Variants in PPP1R9A observed in about 807,000 individuals in gnomAD.
The protein encoded by PPP1R9A is protein phosphatase 1 regulatory subunit 9A, also known as neurabin-1.
PPP1R9A carries 59 observed loss-of-function variants against 141.9 expected under a neutral mutation model. That is an observed-to-expected ratio of 0.42 (90% CI 0.34 to 0.52). The LOEUF (loss-of-function observed/expected upper bound fraction) is 0.52, where lower values mean the gene tolerates loss of function less well. PPP1R9A is among the 20% of genes least tolerant of loss of function. The probability of loss-of-function intolerance (pLI) is 0.10; values close to 1 mark genes in which losing one functional copy is unlikely to be tolerated. For missense variants in PPP1R9A, 1,444 were observed against 1,611.9 expected (o/e 0.90, Z 1.78); for synonymous variants, 500 against 569.7 (o/e 0.88, Z 1.74).
intron 2 of PPP1R9A, among the ~76,000 whole-genome samples, chr7:95,046,927 T>C (rs1274358785): frequency 6.6e-6 from 1 of 152,234 alleles, no homozygotes; most frequent in Non-Finnish European, 1.5e-5. Flanking sequence ...GAGAAACGGT[T>C]TGCAGCCAAC....
rs116111425 is a variant in PPP1R9A, at chr7:95,200,017, T to C, written c.1890+1533T>C. Among the ~76,000 whole-genome samples, 535 of 152,002 alleles carry C rather than the reference T, an allele frequency of 3.5e-3. 3 individuals are homozygous for C. Among genetic ancestry groups the C allele is most frequent in the African/African-American group, 0.012 (502 of 41,478 alleles). ...AAGGGGACATGGCCAGGCTTTCTAG[T>C]CTGTGTGCCTTGGTGTCTTTGGCAT... On this transcript the variant is annotated intron_variant, in intron 6 of 19. Transcript: ENST00000433360.
At chr7:95,205,770 G>C (rs1790653065) in intron 7 of PPP1R9A, among the ~76,000 whole-genome samples, 1 of 152,126 alleles carries the variant, frequency 6.6e-6, no homozygotes, top group Admixed American at 6.5e-5. Context: ...TTAAAAGTGT[G>C]TCAGTAGCAC....
At chr7:95,239,066 T>C (rs913462028) in intron 8 of PPP1R9A, among the ~76,000 whole-genome samples, 5 of 152,144 alleles carry the variant, frequency 3.3e-5, no homozygotes, top group African/African-American at 4.8e-5. Context: ...TTTTTGAATG[T>C]GTTGCTTTTA....
intron 5 of PPP1R9A, among the ~76,000 whole-genome samples, chr7:95,185,382 T>TC (rs1225667235): frequency 2.0e-5 from 3 of 151,858 alleles, no homozygotes; most frequent in Non-Finnish European, 4.4e-5. Context: ...TATGGGATTT[T>TC]TTTTTTGTCT....
chr7:95,120,938 A>G, intron 4 of PPP1R9A, 106 bp downstream of exon 4: 1 of 1,401,500 alleles, frequency 7.1e-7, no homozygotes, highest in South Asian at 1.4e-5. Flanking sequence ...TTTAGGATAG[A>G]ATTTCAGGTT....
chr7:95,144,404 C>T (rs1312926999), intron 4 of PPP1R9A, among the ~76,000 whole-genome samples: 3 of 152,102 alleles, frequency 2.0e-5, no homozygotes, highest in Admixed American at 2.0e-4. Flanking sequence ...CATCAACAGA[C>T]ACTGGGTTTT....
At position 95,061,154 on chromosome 7, in the gene PPP1R9A, C is replaced by T. The variant is rs186216788; in HGVS notation, c.1396-50105C>T. On this transcript the variant is annotated intron_variant, in intron 2 of 19. Transcript: ENST00000433360. ...TTGTGTTATAAGGGGACTCCTAAGT[C>T]CAGATAATCAAAAACAAAACACCTG... Among the ~76,000 whole-genome samples the T allele has an allele frequency of 1.4e-3, 217 of 152,186 alleles. 2 individuals are homozygous for T. The highest frequency in any genetic ancestry group is 4.6e-3 in the African/African-American group (193 of 41,508).
chr7:95,046,643 T>C (rs1285085720), intron 2 of PPP1R9A, among the ~76,000 whole-genome samples: 1 of 152,218 alleles, frequency 6.6e-6, no homozygotes, highest in African/African-American at 2.4e-5. Flanking sequence ...ATACTTGGAT[T>C]GAGCCCAGGG....
intron 2 of PPP1R9A, among the ~76,000 whole-genome samples, chr7:95,074,231 T>C (rs967458898): frequency 6.6e-6 from 1 of 152,174 alleles, no homozygotes; most frequent in Non-Finnish European, 1.5e-5. Context: ...CCGTTACCTT[T>C]TTATGTAAGA....
chr7:95,124,124 A>G (rs1342160370), intron 4 of PPP1R9A, among the ~76,000 whole-genome samples: 1 of 152,186 alleles, frequency 6.6e-6, no homozygotes, highest in Non-Finnish European at 1.5e-5. Flanking sequence ...CAACAGATTT[A>G]TATCTTTTAA....
chr7:95,151,915 TAATGTC>T (rs1828744034), intron 4 of PPP1R9A, among the ~76,000 whole-genome samples: 1 of 148,886 alleles, frequency 6.7e-6, no homozygotes, highest in Non-Finnish European at 1.5e-5. Context: ...AAGGAAGTGA[TAATGTC>T]AGCACATAGT....
At chr7:95,159,384 C>T (rs746043273) in intron 4 of PPP1R9A, among the ~76,000 whole-genome samples, 13 of 152,064 alleles carry the variant, frequency 8.5e-5, no homozygotes, top group Admixed American at 4.6e-4. Context: ...TCAAAAAATC[C>T]GTAGAAAGGT....
In PPP1R9A at chr7:95,293,486, C is replaced by T. The variant is rs1806639149; in HGVS notation, c.*3183C>T. 1 of 152,180 alleles carries T rather than the reference C, an allele frequency of 6.6e-6. No homozygotes were observed. The highest frequency in any genetic ancestry group is 2.1e-4 in the South Asian group (1 of 4,834). 9.4% of individuals were successfully genotyped at this position (152,180 alleles called of 1,614,324 possible). A position where few individuals can be genotyped will look rare whatever the true frequency, so the allele number is the denominator to read the frequency against. On this transcript the variant is annotated 3_prime_UTR_variant, in exon 20 of 20. Coordinates refer to ENST00000433360, the MANE Select transcript of PPP1R9A (RefSeq NM_001166160.2). Reference sequence around the variant, plus strand: ...AACATCACAAGCTTTTTTTAACCCACAGCAGTTCATGATTGCAGTATGATA... The same window carrying T: ...AACATCACAAGCTTTTTTTAACCCATAGCAGTTCATGATTGCAGTATGATA...
At chr7:95,259,168 G>T (rs891179271) in intron 12 of PPP1R9A, among the ~76,000 whole-genome samples, 2 of 152,030 alleles carry the variant, frequency 1.3e-5, no homozygotes, top group African/African-American at 4.8e-5. Flanking sequence ...ATATTCTTTA[G>T]GGATAAATTT....
chr7:94,966,115 CTGTT>C (rs143393733), intron 2 of PPP1R9A, among the ~76,000 whole-genome samples: 55,151 of 151,662 alleles, frequency 0.36, 11,125 homozygotes, highest in Middle Eastern at 0.5. Flanking sequence ...ATTTGGCTCT[CTGTT>C]TGTCTCTTAT....
At chr7:95,145,601 A>G (rs1406176629) in intron 4 of PPP1R9A, among the ~76,000 whole-genome samples, 1 of 152,210 alleles carries the variant, frequency 6.6e-6, no homozygotes, top group Non-Finnish European at 1.5e-5. Context: ...TCAGTGGTTT[A>G]CATGCATCTA....
At chr7:94,933,836 A>C (rs1794451820) in intron 2 of PPP1R9A, among the ~76,000 whole-genome samples, 1 of 152,088 alleles carries the variant, frequency 6.6e-6, no homozygotes, top group South Asian at 2.1e-4. Context: ...GTGTTTACTG[A>C]TGTAAGAGTC....
chr7:95,238,434 A>T (rs1797004235), intron 8 of PPP1R9A, among the ~76,000 whole-genome samples: 1 of 152,138 alleles, frequency 6.6e-6, no homozygotes, highest in Non-Finnish European at 1.5e-5. Flanking sequence ...TACTCAGGTT[A>T]TGTGGAGAAG....
chr7:95,087,957 G>A (rs1031830086), intron 2 of PPP1R9A, among the ~76,000 whole-genome samples: 4 of 151,476 alleles, frequency 2.6e-5, no homozygotes, highest in African/African-American at 9.7e-5. Context: ...TTCACTTTAA[G>A]TAGCTTGAGA....
Sources: gnomAD v4.1 joint callset for allele counts (sites outside exome capture counted in the v4.1 genomes callset) on GRCh38, gnomAD v4.1.1 for gene constraint, MANE v1.5 for transcripts, NCBI Gene and HGNC (gene_info 2026-07-23, HGNC 2026-07-21) for gene names.